DYNC2LI1: variants seen among roughly 807,000 people sequenced by gnomAD.
The protein encoded by DYNC2LI1 is cytoplasmic dynein 2 light intermediate chain 1.
Under a neutral mutation model 51.9 loss-of-function variants are expected in DYNC2LI1, and 45 were observed. The observed-to-expected ratio is 0.87, with a 90% CI of 0.68 to 1.11. The LOEUF (loss-of-function observed/expected upper bound fraction) is 1.11, where lower values mean the gene tolerates loss of function less well. Among genes scored for constraint, DYNC2LI1 ranks in the 50% most tolerant of loss-of-function variants. DYNC2LI1 has a pLI of 0.00. For synonymous variants in DYNC2LI1, 130 were observed against 137.8 expected (o/e 0.94, Z 0.40); for missense variants, 490 against 417.4 (o/e 1.17, Z -1.51).
intron 8 of DYNC2LI1, among the ~76,000 whole-genome samples, chr2:43,798,976 C>T (rs1665984135): frequency 6.6e-6 from 1 of 151,306 alleles, no homozygotes; most frequent in African/African-American, 2.4e-5. Flanking sequence ...AATATTGATT[C>T]AATATTATGA....
chr2:43,780,381 T>C (rs1673221684), intron 2 of DYNC2LI1, among the ~76,000 whole-genome samples: 1 of 152,036 alleles, frequency 6.6e-6, no homozygotes, highest in Admixed American at 6.5e-5. Flanking sequence ...TTCATGACAG[T>C]AGCTGAAAAG....
chr2:43,809,358 CAATT>C (rs1256876995), intron 12 of DYNC2LI1, among the ~76,000 whole-genome samples: 1 of 152,054 alleles, frequency 6.6e-6, no homozygotes, highest in East Asian at 1.9e-4. Flanking sequence ...GAACAGCAAA[CAATT>C]AAAATAAGAT....
intron 2 of DYNC2LI1, among the ~76,000 whole-genome samples, chr2:43,780,389 A>G (rs959506604): frequency 6.6e-6 from 1 of 152,120 alleles, no homozygotes; most frequent in African/African-American, 2.4e-5. Context: ...AGTAGCTGAA[A>G]AGGTAAGGGA....
intron 12 of DYNC2LI1, among the ~76,000 whole-genome samples, chr2:43,808,247 C>A (rs1666341109): frequency 7.0e-6 from 1 of 142,050 alleles, no homozygotes. Context: ...TCCTAGAATC[C>A]AATGAGGAAG....
chr2:43,809,668 T>A, intron 12 of DYNC2LI1, 37 bp from the exon 13 acceptor site: 1 of 1,514,568 alleles, frequency 6.6e-7, no homozygotes, highest in Non-Finnish European at 9.1e-7. Flanking sequence ...ATTAGTAAAG[T>A]TGATTTTTCT....
chr2:43,782,011 A>ATGTGTGTGTGTGTG (rs72178749), intron 2 of DYNC2LI1, among the ~76,000 whole-genome samples: 2,189 of 148,688 alleles, frequency 0.015, 58 homozygotes, highest in African/African-American at 0.047. Context: ...GTTTCTGTCT[A>ATGTGTGTGTGTGTG]TGTGTGTGTG....
At chr2:43,813,030 A>C, downstream of DYNC2LI1, 1 of 739,510 alleles carries the variant, frequency 1.4e-6, no homozygotes, top group East Asian at 2.6e-5. Flanking sequence ...GTCAAGAAAG[A>C]AATACATGGC....
At chr2:43,828,090 C>T in the DYNC2LI1 span, 8 of 1,613,968 alleles carry the variant, frequency 5.0e-6, no homozygotes, top group Non-Finnish European at 6.8e-6. Flanking sequence ...ATGGCTCAGA[C>T]TCAGCTCTGC....
chr2:43,828,219 C>A, the DYNC2LI1 span: 2 of 1,517,858 alleles, frequency 1.3e-6, no homozygotes, highest in Non-Finnish European at 1.8e-6. Context: ...GCCCAAGAAT[C>A]CAAGGGCCAC....
intron 1 of DYNC2LI1, 136 bp from the exon 2 acceptor site, chr2:43,776,646 A>G: frequency 1.9e-6 from 1 of 538,440 alleles, no homozygotes; most frequent in Non-Finnish European, 3.3e-6. Context: ...CAGATGTTTT[A>G]CCAGATTATT....
At position 43,783,505 on chromosome 2, in the gene DYNC2LI1, T is replaced by C; in HGVS notation, c.127-15T>C. 6.5e-7 allele frequency: 1 copy of C among 1,530,562 alleles called. No homozygotes were observed. Among genetic ancestry groups the C allele is most frequent in the Non-Finnish European group, 8.8e-7 (1 of 1,142,692 alleles). The allele number at this position is 1,530,562 out of a possible 1,614,324, so 94.8% of individuals were successfully genotyped here. On this transcript the variant is annotated splice_polypyrimidine_tract_variant and intron_variant, in intron 2 of 12. Transcript: ENST00000260605. Reference sequence around the variant, plus strand: ...AGTGACATTAACGCAGTGTTCCTTCTTTTTTAATTTCCAGGGAAAGACTAC... The same window carrying C: ...AGTGACATTAACGCAGTGTTCCTTCCTTTTTAATTTCCAGGGAAAGACTAC...
At chr2:43,814,254 T>C (rs1666675857), downstream of DYNC2LI1, among the ~76,000 whole-genome samples, 2 of 152,204 alleles carry the variant, frequency 1.3e-5, no homozygotes, top group African/African-American at 2.4e-5. Context: ...TCTAACAACA[T>C]CCAAGTGTCC....
At chr2:43,809,555 C>A in intron 12 of DYNC2LI1, 150 bp from the exon 13 acceptor site, 1 of 659,232 alleles carries the variant, frequency 1.5e-6, no homozygotes, top group Non-Finnish European at 2.7e-6. Context: ...TAAGCATAAT[C>A]ATTTACAAAA....
chr2:43,823,867 G>A, the DYNC2LI1 span: 60 of 1,595,038 alleles, frequency 3.8e-5, no homozygotes, highest in Non-Finnish European at 4.8e-5. Flanking sequence ...GGAGAAGGGA[G>A]GTATTTAGGG....
At chr2:43,791,235 A>G (rs1043583192) in intron 5 of DYNC2LI1, among the ~76,000 whole-genome samples, 1 of 152,030 alleles carries the variant, frequency 6.6e-6, no homozygotes, top group Non-Finnish European at 1.5e-5. Context: ...AAAAAGAGAG[A>G]GAGAGAGATA....
At chr2:43,786,293 G>T (rs779480349) in intron 3 of DYNC2LI1, among the ~76,000 whole-genome samples, 2 of 152,068 alleles carry the variant, frequency 1.3e-5, no homozygotes, top group Non-Finnish European at 2.9e-5. Context: ...CAACTTCCCA[G>T]GCTCAAGTGA....
chr2:43,799,672 A>G (rs1572715526), intron 8 of DYNC2LI1, among the ~76,000 whole-genome samples: 2 of 152,202 alleles, frequency 1.3e-5, no homozygotes, highest in East Asian at 3.9e-4. Flanking sequence ...ATGTTTTAGA[A>G]GTGATTGATG....
chr2:43,824,834 G>A, the DYNC2LI1 span: 1 of 1,603,130 alleles, frequency 6.2e-7, no homozygotes, highest in Non-Finnish European at 8.5e-7. Context: ...GCAGAAGTCT[G>A]AGATGAGAAA....
intron 2 of DYNC2LI1, among the ~76,000 whole-genome samples, chr2:43,777,715 G>T (rs895705268): frequency 1.3e-5 from 2 of 152,200 alleles, no homozygotes; most frequent in African/African-American, 4.8e-5. Context: ...ACTGGGCAAC[G>T]TCAGCGCCCA....
Sources: allele counts gnomAD v4.1 joint callset (sites outside exome capture counted in the v4.1 genomes callset), GRCh38; gene constraint gnomAD v4.1.1; transcripts MANE v1.5; gene names NCBI Gene and HGNC (gene_info 2026-07-23, HGNC 2026-07-21).